Variants in TGFB2 observed in about 807,000 individuals in gnomAD.
TGFB2 encodes transforming growth factor beta 2.
Under a neutral mutation model 42.7 loss-of-function variants are expected in TGFB2, and 13 were observed. That is an observed-to-expected ratio of 0.30 (90% CI 0.20 to 0.48). TGFB2 has a LOEUF of 0.48. Ranked by LOEUF, TGFB2 falls within the 20% of genes least tolerant of loss-of-function variation. The pLI is 0.99. For synonymous variants in TGFB2, 193 were observed against 193.6 expected, an observed-to-expected ratio of 1.00 and a Z score of 0.03; for missense variants, 390 against 517.5, an observed-to-expected ratio of 0.75 and a Z score of 2.39.
intron 1 of TGFB2, among the ~76,000 whole-genome samples, chr1:218,386,581 T>C (rs1008428807): frequency 3.3e-5 from 5 of 152,210 alleles, no homozygotes; most frequent in Non-Finnish European, 7.3e-5. Flanking sequence ...CACAGGTTCC[T>C]GATGCTAATA....
chr1:218,410,715 T>C (rs1659066781), intron 2 of TGFB2, among the ~76,000 whole-genome samples: 1 of 152,244 alleles, frequency 6.6e-6, no homozygotes, highest in Admixed American at 6.5e-5. Flanking sequence ...TATTGCGATA[T>C]GTTCAGACAA....
chr1:218,443,233 C>T lies in TGFB2; in HGVS notation c.*1871C>T, dbSNP rs1009327040. On this transcript the variant is annotated 3_prime_UTR_variant, in exon 7 of 7. Coordinates refer to ENST00000366930, the MANE Select transcript of TGFB2 (RefSeq NM_003238.6). Reference sequence around the variant, plus strand: ...TAATAAATAATTTGCCACATCATTGCAGAAGAGGTATCCTCATGCTGGGGT... The same window carrying T: ...TAATAAATAATTTGCCACATCATTGTAGAAGAGGTATCCTCATGCTGGGGT... 6.6e-6 allele frequency: 1 copy of T among 152,182 alleles called. No homozygotes were observed. The highest frequency in any genetic ancestry group is 6.5e-5 in the Admixed American group (1 of 15,278). The allele number at this position is 152,182 out of a possible 1,614,324, so 9.4% of individuals were successfully genotyped here.
intron 1 of TGFB2, among the ~76,000 whole-genome samples, chr1:218,354,226 A>G (rs576193712): frequency 6.6e-6 from 1 of 152,320 alleles, no homozygotes; most frequent in East Asian, 1.9e-4. Context: ...GAACTACAGG[A>G]AGAAGAAGAA....
At chr1:218,441,080 A>T (rs1571907455) in intron 6 of TGFB2, 124 bp from the exon 7 acceptor site, 1 of 906,786 alleles carries the variant, frequency 1.1e-6, no homozygotes, top group East Asian at 2.7e-5. Flanking sequence ...TTAGCAACCA[A>T]AAATAATTTT....
chr1:218,415,174 C>T (rs912546851), intron 2 of TGFB2, among the ~76,000 whole-genome samples: 16 of 152,302 alleles, frequency 1.1e-4, no homozygotes, highest in African/African-American at 3.4e-4. Context: ...GTATCTGTAT[C>T]CTCAGCGGTT....
intron 1 of TGFB2, among the ~76,000 whole-genome samples, chr1:218,360,278 G>A (rs1657167415): frequency 6.6e-6 from 1 of 152,182 alleles, no homozygotes; most frequent in Non-Finnish European, 1.5e-5. Flanking sequence ...TTTCTTAGCT[G>A]TGTCATTGCA....
intron 1 of TGFB2, 94 bp downstream of exon 1, chr1:218,347,141 C>A: frequency 1.6e-6 from 2 of 1,223,392 alleles, no homozygotes; most frequent in Non-Finnish European, 1.1e-6. Context: ...TTCCCTCTCG[C>A]GGTTCCCGTT....
intron 1 of TGFB2, among the ~76,000 whole-genome samples, chr1:218,391,344 C>G (rs1658311347): frequency 6.6e-6 from 1 of 152,130 alleles, no homozygotes. Flanking sequence ...GAGCCCCTGC[C>G]CGTAGACTTG....
intron 1 of TGFB2, among the ~76,000 whole-genome samples, chr1:218,403,413 C>G (rs946870725): frequency 2.0e-5 from 3 of 152,128 alleles, no homozygotes; most frequent in Admixed American, 2.0e-4. Flanking sequence ...AATTCAGGCT[C>G]TTAAGATGAG....
intron 2 of TGFB2, among the ~76,000 whole-genome samples, chr1:218,408,950 C>G (rs1007489912): frequency 6.6e-6 from 1 of 152,162 alleles, no homozygotes; most frequent in Non-Finnish European, 1.5e-5. Flanking sequence ...TTTCCTGCAA[C>G]TATATATGGT....
intron 1 of TGFB2, among the ~76,000 whole-genome samples, chr1:218,362,232 G>C (rs1042411649): frequency 1.3e-5 from 2 of 152,172 alleles, no homozygotes; most frequent in Admixed American, 1.3e-4. Flanking sequence ...TTTCAAGTCA[G>C]GTCTGAATAG....
chr1:218,362,624 T>C (rs1657251195), intron 1 of TGFB2, among the ~76,000 whole-genome samples: 1 of 152,230 alleles, frequency 6.6e-6, no homozygotes, highest in East Asian at 1.9e-4. Context: ...CACTCAGCAA[T>C]ATTTCCTCTT....
chr1:218,413,755 T>C (rs1659180931), intron 2 of TGFB2, among the ~76,000 whole-genome samples: 2 of 152,234 alleles, frequency 1.3e-5, no homozygotes, highest in Admixed American at 6.5e-5. Flanking sequence ...CCTCTTTCCT[T>C]CGGATTTTAA....
intron 2 of TGFB2, among the ~76,000 whole-genome samples, chr1:218,428,657 G>A (rs1306531681): frequency 6.6e-6 from 1 of 152,156 alleles, no homozygotes; most frequent in Non-Finnish European, 1.5e-5. Context: ...GATGTGTGGT[G>A]TTATTTCTGA....
chr1:218,386,908 T>C (rs757793594), intron 1 of TGFB2, among the ~76,000 whole-genome samples: 2 of 152,226 alleles, frequency 1.3e-5, no homozygotes, highest in Non-Finnish European at 2.9e-5. Context: ...AGTATTATCA[T>C]ATTTTAAAGA....
chr1:218,347,875 G>A (rs1208412072), intron 1 of TGFB2, among the ~76,000 whole-genome samples: 2 of 151,126 alleles, frequency 1.3e-5, no homozygotes, highest in African/African-American at 2.4e-5. Context: ...CTGCCTTTTC[G>A]TAGGCTTCCT....
intron 1 of TGFB2, among the ~76,000 whole-genome samples, chr1:218,373,848 T>C (rs377004047): frequency 6.6e-6 from 1 of 152,244 alleles, no homozygotes; most frequent in East Asian, 1.9e-4. Flanking sequence ...CTGGATGTGT[T>C]TCTTTTTTTC....
At chr1:218,421,378 T>G (rs945345999) in intron 2 of TGFB2, among the ~76,000 whole-genome samples, 17 of 151,148 alleles carry the variant, frequency 1.1e-4, no homozygotes, top group South Asian at 4.2e-4. Flanking sequence ...AAGCAGTTTT[T>G]TTTTTTTTTT....
At chr1:218,378,622 T>A (rs1257976990) in intron 1 of TGFB2, among the ~76,000 whole-genome samples, 1 of 152,118 alleles carries the variant, frequency 6.6e-6, no homozygotes, top group Non-Finnish European at 1.5e-5. Context: ...CCTGTTCATT[T>A]TGCTGTTGAG....
Sources: gnomAD v4.1 joint callset for allele counts (sites outside exome capture counted in the v4.1 genomes callset) on GRCh38, gnomAD v4.1.1 for gene constraint, MANE v1.5 for transcripts, NCBI Gene and HGNC (gene_info 2026-07-23, HGNC 2026-07-21) for gene names.